ARID4B: variants seen among roughly 807,000 people sequenced by gnomAD.
ARID4B encodes AT-rich interactive domain-containing protein 4B.
In ARID4B, 26 loss-of-function variants were observed where a neutral mutation model predicts 147.5. The ratio of observed to expected loss-of-function variants is 0.18; its 90% CI spans 0.13 to 0.24. The LOEUF (loss-of-function observed/expected upper bound fraction) is 0.24. Among genes scored for constraint, ARID4B ranks in the 10% least tolerant of loss-of-function variants. ARID4B has a pLI of 1.00. For missense variants in ARID4B, 1,179 were observed against 1,511.5 expected, an observed-to-expected ratio of 0.78 and a Z score of 3.65; for synonymous variants, 512 against 507.9, an observed-to-expected ratio of 1.01 and a Z score of -0.11.
chr1:235,172,809 T>G (rs775080638), intron 22 of ARID4B, 45 bp from the exon 23 acceptor site: 50 of 1,426,200 alleles, frequency 3.5e-5, no homozygotes, highest in Non-Finnish European at 4.5e-5. Context: ...TAAAGAAAAT[T>G]TTAACATACA....
intron 19 of ARID4B, 103 bp from the exon 20 acceptor site, chr1:235,182,896 C>G: frequency 8.5e-7 from 1 of 1,171,944 alleles, no homozygotes; most frequent in Non-Finnish European, 1.2e-6. Context: ...ATACAGCCAC[C>G]CGAGGTTGCT....
intron 2 of ARID4B, among the ~76,000 whole-genome samples, chr1:235,265,560 A>G (rs1057310120): frequency 1.3e-5 from 2 of 151,830 alleles, no homozygotes; most frequent in Admixed American, 1.3e-4. Context: ...TTAGCCAAGC[A>G]TGGTGGCACC....
intron 22 of ARID4B, 65 bp downstream of exon 22, chr1:235,175,118 CA>C: frequency 6.9e-7 from 1 of 1,448,488 alleles, no homozygotes; most frequent in Non-Finnish European, 9.6e-7. Context: ...AAAACAAAAA[CA>C]AAATAAAACA....
intron 22 of ARID4B, among the ~76,000 whole-genome samples, chr1:235,174,251 G>A (rs1422611998): frequency 6.6e-6 from 1 of 151,808 alleles, no homozygotes; most frequent in East Asian, 2.0e-4. Flanking sequence ...ATGCTGGTCA[G>A]GCTGGTCTCG....
chr1:235,251,686 G>A (rs1669656453), intron 6 of ARID4B, among the ~76,000 whole-genome samples: 3 of 151,410 alleles, frequency 2.0e-5, no homozygotes, highest in African/African-American at 7.3e-5. Context: ...TAACAAATAA[G>A]TAATATTAAT....
intron 17 of ARID4B, among the ~76,000 whole-genome samples, chr1:235,209,238 G>T (rs1438463885): frequency 2.6e-5 from 4 of 152,146 alleles, no homozygotes; most frequent in Admixed American, 6.6e-5. Context: ...ACTTACGGGG[G>T]CAGAGGTGGA....
intron 2 of ARID4B, among the ~76,000 whole-genome samples, chr1:235,289,502 G>A (rs577942110): frequency 1.3e-5 from 2 of 152,140 alleles, no homozygotes; most frequent in Admixed American, 1.3e-4. Context: ...GGTAGGTGAG[G>A]TGCTTGAGCC....
intron 17 of ARID4B, among the ~76,000 whole-genome samples, chr1:235,206,048 G>GT (rs1666288736): frequency 6.6e-6 from 1 of 152,042 alleles, no homozygotes; most frequent in Non-Finnish European, 1.5e-5. Context: ...CCTATTATAG[G>GT]TATCACTTTA....
intron 22 of ARID4B, among the ~76,000 whole-genome samples, chr1:235,174,250 AG>A (rs1476665937): frequency 6.6e-6 from 1 of 151,884 alleles, no homozygotes; most frequent in East Asian, 2.0e-4. Context: ...CATGCTGGTC[AG>A]GCTGGTCTCG....
intron 23 of ARID4B, 56 bp from the exon 24 acceptor site, chr1:235,168,708 G>T (rs1663109546): frequency 6.4e-7 from 1 of 1,563,514 alleles, no homozygotes; most frequent in African/African-American, 1.4e-5. Flanking sequence ...TCTAACAATA[G>T]ACAGAAAATA....
At chr1:235,195,507 C>T (rs1223084172) in intron 18 of ARID4B, among the ~76,000 whole-genome samples, 3 of 151,646 alleles carry the variant, frequency 2.0e-5, no homozygotes, top group East Asian at 1.9e-4. Flanking sequence ...GCATGAGAAT[C>T]GCTTGAACTG....
intron 18 of ARID4B, among the ~76,000 whole-genome samples, chr1:235,195,213 A>C (rs1017024201): frequency 6.6e-6 from 1 of 152,160 alleles, no homozygotes; most frequent in Non-Finnish European, 1.5e-5. Context: ...TTAGTCTTAG[A>C]ATGAATAATT....
intron 2 of ARID4B, among the ~76,000 whole-genome samples, chr1:235,326,629 C>T (rs1192205212): frequency 2.0e-5 from 3 of 152,132 alleles, no homozygotes; most frequent in Non-Finnish European, 2.9e-5. Context: ...TTTTATTTTA[C>T]CTTTTAAAAC....
At chr1:235,234,371 T>C (rs375071605) in intron 9 of ARID4B, 42 bp downstream of exon 9, 1 of 1,277,730 alleles carries the variant, frequency 7.8e-7, no homozygotes, top group Non-Finnish European at 1.1e-6. Flanking sequence ...TAACAGCATA[T>C]ATTTATAAAC....
At chr1:235,197,265 T>G (rs745907391) in intron 17 of ARID4B, among the ~76,000 whole-genome samples, 6 of 152,230 alleles carry the variant, frequency 3.9e-5, no homozygotes, top group Non-Finnish European at 1.5e-5. Flanking sequence ...CACAAAACTC[T>G]AGAACATGGA....
Position 235,181,822 on chromosome 1 carries a change from C to T in ARID4B, c.3097G>A (p.Val1033Ile). ...TGCCGGCTGCCTTCTGTTACAGTGA[C>T]TGATGAAGGCGATTCAGGTGTAGTA... is the stretch of plus-strand genomic sequence containing the variant. The part of the protein sequence containing the change: ...PPTTPESPSS[V>I]TVTEGSRQQS... Residue 1033 changes from valine to isoleucine, a missense_variant, in exon 20 of 24, where the codon GTC becomes ATC. Transcript: ENST00000264183. The T allele has an allele frequency of 6.2e-7, 1 of 1,614,194 alleles. No homozygotes were observed. The highest frequency in any genetic ancestry group is 8.5e-7 in the Non-Finnish European group (1 of 1,180,040).
chr1:235,247,731 A>G (rs1262582921), intron 6 of ARID4B, among the ~76,000 whole-genome samples: 1 of 152,114 alleles, frequency 6.6e-6, no homozygotes, highest in Non-Finnish European at 1.5e-5. Context: ...ACTCACGCCT[A>G]TAATCCCAGC....
intron 17 of ARID4B, 26 bp downstream of exon 17, chr1:235,213,743 T>TAATC (rs757437879): frequency 1.3e-6 from 2 of 1,593,372 alleles, no homozygotes. Context: ...TTTTAGGTAA[T>TAATC]AATCACTAGC....
chr1:235,298,697 GT>G (rs1672925749), intron 2 of ARID4B, among the ~76,000 whole-genome samples: 1 of 151,770 alleles, frequency 6.6e-6, no homozygotes, highest in South Asian at 2.1e-4. Context: ...TACATATAGC[GT>G]TTCATTCTAC....
Sources: gnomAD v4.1 joint callset for allele counts (sites outside exome capture counted in the v4.1 genomes callset) on GRCh38, gnomAD v4.1.1 for gene constraint, MANE v1.5 for transcripts, NCBI Gene and HGNC (gene_info 2026-07-23, HGNC 2026-07-21) for gene names.